The following SLC38A4 variants were observed in gnomAD, a reference collection of about 807,000 sequenced individuals.
The protein encoded by SLC38A4 is solute carrier family 38 member 4.
Under a neutral mutation model 63.1 loss-of-function variants are expected in SLC38A4, and 20 were observed. The observed-to-expected ratio is 0.32, with a 90% CI of 0.22 to 0.46. SLC38A4 has a LOEUF of 0.46. Among genes scored for constraint, SLC38A4 ranks in the 20% least tolerant of loss-of-function variants. SLC38A4 has a pLI of 1.00. For missense variants in SLC38A4, 526 were observed against 663.6 expected (o/e 0.79, Z 2.28); for synonymous variants, 230 against 225.5 (o/e 1.02, Z -0.18).
At chr12:46,769,637 G>A (rs143621485) in intron 14 of SLC38A4, among the ~76,000 whole-genome samples, 35 of 152,064 alleles carry the variant, frequency 2.3e-4, no homozygotes, top group Non-Finnish European at 4.6e-4. Context: ...CAGTTCAGTG[G>A]TATTAAGCAT....
At chr12:46,776,342 T>C (rs1938524569) in intron 13 of SLC38A4, among the ~76,000 whole-genome samples, 1 of 152,024 alleles carries the variant, frequency 6.6e-6, no homozygotes, top group South Asian at 2.1e-4. Flanking sequence ...TCACTTTTTT[T>C]TGGTGGTGCA....
chr12:46,820,477 T>G (rs1939519726), intron 1 of SLC38A4, among the ~76,000 whole-genome samples: 1 of 152,034 alleles, frequency 6.6e-6, no homozygotes, highest in Non-Finnish European at 1.5e-5. Flanking sequence ...GTTCTCCAGG[T>G]TCATCCATGT....
chr12:46,791,795 G>A (rs1938894145), intron 3 of SLC38A4, among the ~76,000 whole-genome samples: 1 of 152,030 alleles, frequency 6.6e-6, no homozygotes, highest in African/African-American at 2.4e-5. Context: ...TTCTACATGG[G>A]GGAGTAGAGT....
rs145302672 is a variant in SLC38A4 at position 46,817,425 on chromosome 12, T to C, written c.-305+8478A>G. Among the ~76,000 whole-genome samples the C allele has an allele frequency of 9.7e-4, 147 of 151,446 alleles. 1 individual carries two copies. Among genetic ancestry groups the C allele is most frequent in the African/African-American group, 3.3e-3 (138 of 41,482 alleles). ...ATGCTTGACAGGGAGAAACTTCTGATAACTTTAATTGACCTACTAGGTCTA... is the reference window on the plus strand; with the variant it reads ...ATGCTTGACAGGGAGAAACTTCTGACAACTTTAATTGACCTACTAGGTCTA... On this transcript the variant is annotated intron_variant, in intron 1 of 16. Coordinates refer to ENST00000266579, the MANE Select transcript of SLC38A4 (RefSeq NM_018018.5).
intron 14 of SLC38A4, among the ~76,000 whole-genome samples, chr12:46,773,554 C>T (rs911825946): frequency 6.6e-6 from 1 of 152,074 alleles, no homozygotes; most frequent in African/African-American, 2.4e-5. Flanking sequence ...CACACTATTG[C>T]TGTTCCTGAT....
rs569689470 is a variant in SLC38A4, at chr12:46,800,930, G to A, written c.-113+2673C>T. ...CCTCTGATTGTCAGGAGAAAAAATC[G>A]CTTTGTTGCACAGGGAATGTTCAAA... On this transcript the variant is annotated intron_variant, in intron 2 of 16. Transcript: ENST00000266579. Among the ~76,000 whole-genome samples, 11 of 152,204 alleles carry A rather than the reference G, an allele frequency of 7.2e-5. No individual in the cohort carries two copies. In the South Asian group the frequency reaches 1.0e-3, roughly 14 times the overall value.
chr12:46,826,048 T>C (rs1042482801), upstream of SLC38A4: 4 of 152,266 alleles, frequency 2.6e-5, no homozygotes, highest in African/African-American at 9.6e-5. Flanking sequence ...CGCCCCTAGA[T>C]GCTGCTGGGC....
In SLC38A4 at chr12:46,784,382, A is replaced by G. The variant is rs189345769; in HGVS notation, c.493+160T>C. Among the ~76,000 whole-genome samples, 1,174 of 152,240 alleles carry G rather than the reference A, an allele frequency of 7.7e-3. 6 individuals carry two copies. The highest frequency in any genetic ancestry group is 0.019 in the South Asian group (94 of 4,824). ...AGATATTGCTGTTTTTAATTAAAGCAGGACACAAACCTATTTAAGAAACTA... is the reference window on the plus strand; with the variant it reads ...AGATATTGCTGTTTTTAATTAAAGCGGGACACAAACCTATTTAAGAAACTA... On this transcript the variant is annotated intron_variant, in intron 7 of 16. Transcript: ENST00000266579.
intron 1 of SLC38A4, among the ~76,000 whole-genome samples, chr12:46,806,763 A>G (rs889769792): frequency 2.0e-5 from 3 of 152,016 alleles, no homozygotes; most frequent in South Asian, 4.1e-4. Flanking sequence ...TATGACTATC[A>G]CCTTCAAATA....
At chr12:46,779,565 A>T (rs757716975) in intron 10 of SLC38A4, 46 bp downstream of exon 10, 4 of 1,510,490 alleles carry the variant, frequency 2.6e-6, no homozygotes, top group South Asian at 1.3e-5. Context: ...GCACAAAAAA[A>T]CTCATGCTAA....
chr12:46,769,252 G>T (rs768781761), intron 15 of SLC38A4, 32 bp downstream of exon 15: 1 of 1,611,426 alleles, frequency 6.2e-7, no homozygotes. Context: ...GTGAGTTTGG[G>T]TTGACCAAAT....
At chr12:46,806,719 T>A (rs1268825966) in intron 1 of SLC38A4, among the ~76,000 whole-genome samples, 1 of 152,012 alleles carries the variant, frequency 6.6e-6, no homozygotes, top group Non-Finnish European at 1.5e-5. Context: ...CGTATGGTGA[T>A]AATTCATCCA....
upstream of SLC38A4, among the ~76,000 whole-genome samples, chr12:46,828,265 G>C (rs1318265856): frequency 2.0e-5 from 3 of 152,002 alleles, no homozygotes; most frequent in African/African-American, 7.2e-5. Flanking sequence ...CAGGTTCTCT[G>C]GTAGAGTATT....
At chr12:46,774,411 C>G (rs2120755237) in intron 14 of SLC38A4, among the ~76,000 whole-genome samples, 1 of 152,196 alleles carries the variant, frequency 6.6e-6, no homozygotes, top group South Asian at 2.1e-4. Context: ...CAAATCTTCA[C>G]TACCAGCTCT....
At chr12:46,769,572 T>C in intron 14 of SLC38A4, 144 bp from the exon 15 acceptor site, 9 of 885,388 alleles carry the variant, frequency 1.0e-5, no homozygotes, top group Non-Finnish European at 1.5e-5. Context: ...AATTTTTTTA[T>C]TATTATAAAA....
chr12:46,774,286 A>G (rs996068501), intron 14 of SLC38A4, among the ~76,000 whole-genome samples: 2 of 152,062 alleles, frequency 1.3e-5, no homozygotes, highest in African/African-American at 4.8e-5. Context: ...TTACTGTGTC[A>G]CTTATTTTTT....
chr12:46,777,260 A>G (rs1938548214), intron 12 of SLC38A4, among the ~76,000 whole-genome samples: 1 of 152,026 alleles, frequency 6.6e-6, no homozygotes, highest in African/African-American at 2.4e-5. Flanking sequence ...CACGTAGGTC[A>G]GTAAGCTTGC....
intron 15 of SLC38A4, among the ~76,000 whole-genome samples, chr12:46,768,862 A>C (rs760309159): frequency 2.2e-4 from 34 of 152,204 alleles, no homozygotes; most frequent in Non-Finnish European, 2.8e-4. Flanking sequence ...AATACTAATA[A>C]TACACTTTAT....
At chr12:46,808,727 A>G (rs998689669) in intron 1 of SLC38A4, among the ~76,000 whole-genome samples, 1 of 152,070 alleles carries the variant, frequency 6.6e-6, no homozygotes, top group African/African-American at 2.4e-5. Context: ...GGGTGATTAC[A>G]ACTTAAATAA....
Sources: gnomAD v4.1 joint callset for allele counts (sites outside exome capture counted in the v4.1 genomes callset) on GRCh38, gnomAD v4.1.1 for gene constraint, MANE v1.5 for transcripts, NCBI Gene and HGNC (gene_info 2026-07-23, HGNC 2026-07-21) for gene names.